Variants in POLR1A observed in about 807,000 individuals in gnomAD.
The protein encoded by POLR1A is DNA-directed RNA polymerase I subunit RPA1.
Under a neutral mutation model 205.3 loss-of-function variants are expected in POLR1A, and 84 were observed. The observed-to-expected ratio is 0.41, with a 90% CI of 0.34 to 0.49. The LOEUF (loss-of-function observed/expected upper bound fraction) is 0.49, where lower values mean the gene tolerates loss of function less well. Among genes scored for constraint, POLR1A ranks in the 20% least tolerant of loss-of-function variants. POLR1A has a pLI of 0.22. For synonymous variants in POLR1A, 799 were observed against 863.7 expected (o/e 0.93, Z 1.31); for missense variants, 1,645 against 2,204.5 (o/e 0.75, Z 5.08).
intron 14 of POLR1A, among the ~76,000 whole-genome samples, chr2:86,064,980 AG>A (rs1405925522): frequency 6.6e-6 from 1 of 152,050 alleles, no homozygotes; most frequent in Non-Finnish European, 1.5e-5. Flanking sequence ...TCACCATGTT[AG>A]CCAGGCTGGT....
rs542642482 is a variant in POLR1A at position 86,025,392 on chromosome 2, C to T, written c.*2031G>A. On this transcript the variant is annotated 3_prime_UTR_variant, in exon 34 of 34. Coordinates refer to ENST00000263857, the MANE Select transcript of POLR1A (RefSeq NM_015425.6). ...AGAGGCTTCCGAGCATAGAGAACCA[C>T]CAAAGTGAGCGTGTAATTCCCTAAG... is the stretch of plus-strand genomic sequence containing the variant. 6.6e-6 allele frequency: 1 copy of T among 152,236 alleles called. No individual in the cohort carries two copies. Among genetic ancestry groups the T allele is most frequent in the Non-Finnish European group, 1.5e-5 (1 of 68,052 alleles). The allele number at this position is 152,236 out of a possible 1,614,324, so 9.4% of individuals were successfully genotyped here.
chr2:86,044,532 C>T (rs2104391812), intron 21 of POLR1A, among the ~76,000 whole-genome samples: 1 of 152,338 alleles, frequency 6.6e-6, no homozygotes, highest in South Asian at 2.1e-4. Flanking sequence ...GAGGCTGCAG[C>T]CATGTTACTG....
chr2:86,103,076 C>T lies in POLR1A; in HGVS notation c.77+2624G>A, dbSNP rs563798266. 5.3e-5 allele frequency among the ~76,000 whole-genome samples: 8 copies of T among 152,314 alleles called. No homozygotes were observed. In the East Asian group the frequency reaches 1.3e-3, roughly 26 times the overall value. The stretch of plus-strand genomic sequence containing the variant: ...AGAACTGCTATGCTTACAGGCCTTA[C>T]ATTCTATTGGAGGAACGGGAACAGA... On this transcript the variant is annotated intron_variant, in intron 1 of 33. Transcript: ENST00000263857.
At chr2:86,078,584 A>G (rs1673340552) in intron 9 of POLR1A, among the ~76,000 whole-genome samples, 3 of 152,206 alleles carry the variant, frequency 2.0e-5, no homozygotes, top group Admixed American at 2.0e-4. Context: ...CTTAATATGC[A>G]ATTCCTAAAG....
Position 86,028,538 on chromosome 2 carries a change from T to TCTGGTGTCCTGG in POLR1A, c.4897+44_4897+55dup. 7.8e-7 allele frequency: 1 copy of TCTGGTGTCCTGG among 1,283,252 alleles called. No individual in the cohort carries two copies. Among genetic ancestry groups the TCTGGTGTCCTGG allele is most frequent in the East Asian group, 2.3e-5 (1 of 43,136 alleles). 79.5% of individuals were successfully genotyped at this position (1,283,252 alleles called of 1,614,324 possible). A position where few individuals can be genotyped will look rare whatever the true frequency, so the allele number is the denominator to read the frequency against. On this transcript the variant is annotated intron_variant, in intron 32 of 33. Transcript: ENST00000263857. This position sits in a 1 kb window ranked among gnomAD's most constrained non-coding sequence, Gnocchi z 4.5. The stretch of plus-strand genomic sequence containing the variant: ...CGGTCCTGACCCTCCTGCCGAGCCT[T>TCTGGTGTCCTGG]CTGGTGTCCTGGCTGGTGCCCAGAC...
At chr2:86,103,092 C>T (rs7599025) in intron 1 of POLR1A, among the ~76,000 whole-genome samples, 16 of 152,204 alleles carry the variant, frequency 1.1e-4, no homozygotes, top group African/African-American at 3.9e-4. Context: ...ATTGGAGGAA[C>T]GGGAACAGAC....
chr2:86,029,638 C>T (rs1416903567), intron 31 of POLR1A, among the ~76,000 whole-genome samples: 2 of 151,000 alleles, frequency 1.3e-5, no homozygotes, highest in African/African-American at 4.9e-5. Context: ...ACTCTGTCCC[C>T]CAGGCTGGAG....
intron 3 of POLR1A, 134 bp downstream of exon 3, chr2:86,098,477 T>C (rs1261195829): frequency 2.5e-6 from 2 of 814,048 alleles, no homozygotes; most frequent in African/African-American, 3.6e-5. Flanking sequence ...CAGCTATTGG[T>C]ATCCAGTTAT....
intron 27 of POLR1A, among the ~76,000 whole-genome samples, chr2:86,037,288 C>T: frequency 6.6e-6 from 1 of 152,368 alleles, no homozygotes; most frequent in South Asian, 2.1e-4. Context: ...GAGGCCCAGC[C>T]AACAACAACT....
chr2:86,067,179 T>C (rs954300900), intron 13 of POLR1A, among the ~76,000 whole-genome samples: 2 of 152,230 alleles, frequency 1.3e-5, no homozygotes, highest in Non-Finnish European at 2.9e-5. Flanking sequence ...AAAGGTCTAC[T>C]TATAATTCTA....
At chr2:86,103,986 T>A (rs1673870288) in intron 1 of POLR1A, among the ~76,000 whole-genome samples, 1 of 152,090 alleles carries the variant, frequency 6.6e-6, no homozygotes, top group Non-Finnish European at 1.5e-5. Context: ...ATGCAGGTGG[T>A]TTAATAGGGC....
rs943602569 is a variant in POLR1A, at chr2:86,071,000, G to T, written c.1612-728C>A. On this transcript the variant is annotated intron_variant, in intron 12 of 33. Transcript: ENST00000263857. The surrounding 1 kb of genome is among the most constrained non-coding windows in gnomAD (Gnocchi z 4.4). ...GTATGTTTGTGTAGCAGCATTTACA[G>T]CGGCAAAAACTAGAAATAACCTGAC... Among the ~76,000 whole-genome samples the T allele has an allele frequency of 1.1e-4, 16 of 152,046 alleles. No individual in the cohort carries two copies. Among genetic ancestry groups the T allele is most frequent in the African/African-American group, 3.4e-4 (14 of 41,384 alleles).
chr2:86,077,809 GCGCACACACACACACACACACACA>G lies in POLR1A; in HGVS notation c.1380+26_1380+49del, dbSNP rs1426346158. The G allele has an allele frequency of 6.4e-4, 827 of 1,302,256 alleles. 5 individuals are homozygous for G. In the East Asian group the frequency reaches 0.012, roughly 19 times the overall value. 80.7% of individuals were successfully genotyped at this position (1,302,256 alleles called of 1,614,324 possible). ...GAGCAAATGAGCCCTGCACGCGCGC[GCGCACACACACACACACACACACA>G]CACACACACACACACACACACACAC... On this transcript the variant is annotated intron_variant, in intron 11 of 33. Coordinates refer to ENST00000263857, the MANE Select transcript of POLR1A (RefSeq NM_015425.6).
chr2:86,053,996 GACA>G (rs1318486802), intron 15 of POLR1A, 141 bp downstream of exon 15: 3 of 744,658 alleles, frequency 4.0e-6, no homozygotes, highest in South Asian at 1.9e-5. Context: ...AACAAAAGCT[GACA>G]ACAACTCAGG....
Position 86,040,509 on chromosome 2 carries a change from C to T in POLR1A, c.3623G>A (p.Gly1208Asp). The T allele has an allele frequency of 6.2e-7, 1 of 1,610,582 alleles. No individual in the cohort carries two copies. Among genetic ancestry groups the T allele is most frequent in the Non-Finnish European group, 8.5e-7 (1 of 1,178,360 alleles). Residue 1208 changes from glycine to aspartate, a missense_variant, in exon 25 of 34, where the codon GGC becomes GAC. By Grantham distance (94) the Gly-to-Asp change is moderately conservative (BLOSUM62 -1). Transcript: ENST00000263857. ...GGCAGCCAGCAGGCCCACAGCCTCG[C>T]CCGGCTCACACAGTGAGCGCTGCCA... Reference protein sequence around the residue: ...LKWQRSLCEPGEAVGLLAAQS... With the variant: ...LKWQRSLCEPDEAVGLLAAQS...
chr2:86,088,694 G>A (rs1673549957), intron 5 of POLR1A, 25 bp from the exon 6 acceptor site: 1 of 1,606,556 alleles, frequency 6.2e-7, no homozygotes. Flanking sequence ...AGTTGTGATT[G>A]AAGAGAGAAA....
chr2:86,025,251 T>A lies in POLR1A; in HGVS notation c.*2172A>T, dbSNP rs1445873400. 6.6e-6 allele frequency: 1 copy of A among 152,216 alleles called. No homozygotes were observed. Among genetic ancestry groups the A allele is most frequent in the East Asian group, 1.9e-4 (1 of 5,200 alleles). The allele number at this position is 152,216 out of a possible 1,614,324, so 9.4% of individuals were successfully genotyped here. On this transcript the variant is annotated 3_prime_UTR_variant, in exon 34 of 34. Coordinates refer to ENST00000263857, the MANE Select transcript of POLR1A (RefSeq NM_015425.6). ...AGATTAGTCCATGTTCTTGAATCCA[T>A]CCATCAGATTTGACTTGGGCCTACT...
intron 3 of POLR1A, among the ~76,000 whole-genome samples, chr2:86,091,183 C>A (rs1673600393): frequency 6.6e-6 from 1 of 152,174 alleles, no homozygotes. Context: ...GGCATCAGTG[C>A]CATGCACACA....
At position 86,105,812 on chromosome 2, in the gene POLR1A, G is replaced by A. The variant is rs772051018; in HGVS notation, c.-36C>T. On this transcript the variant is annotated 5_prime_UTR_variant, in exon 1 of 34. Coordinates refer to ENST00000263857, the MANE Select transcript of POLR1A (RefSeq NM_015425.6). ...CGTTTTGAATTCCGACACCCCAAGAGACGTTCCACTCACCACCTGACTATT... is the reference window on the plus strand; with the variant it reads ...CGTTTTGAATTCCGACACCCCAAGAAACGTTCCACTCACCACCTGACTATT... 1.3e-6 allele frequency: 2 copies of A among 1,531,524 alleles called. No individual in the cohort carries two copies. The highest frequency in any genetic ancestry group is 1.1e-5 in the South Asian group (1 of 89,408). 94.9% of individuals were successfully genotyped at this position (1,531,524 alleles called of 1,614,324 possible).
Sources: gnomAD v4.1 joint callset for allele counts (sites outside exome capture counted in the v4.1 genomes callset) on GRCh38, gnomAD v4.1.1 for gene constraint, Gnocchi (gnomAD v3.1) non-coding constraint, MANE v1.5 for transcripts, NCBI Gene and HGNC (gene_info 2026-07-23, HGNC 2026-07-21) for gene names.